Variants in NFU1 observed in about 807,000 individuals in gnomAD.
NFU1 encodes the protein NFU1 iron-sulfur cluster scaffold homolog, mitochondrial.
NFU1 carries 30 observed loss-of-function variants against 32.2 expected under a neutral mutation model. That is an observed-to-expected ratio of 0.93 (90% confidence interval 0.70 to 1.26). The LOEUF (loss-of-function observed/expected upper bound fraction) is 1.26, where lower values mean the gene tolerates loss of function less well. NFU1 is among the 50% of genes most tolerant of loss of function. The pLI, the probability that NFU1 is intolerant of heterozygous loss-of-function variation, is 0.00. For missense variants in NFU1, 306 were observed against 306.6 expected (o/e 1.00, Z 0.02); for synonymous variants, 112 against 104.6 (o/e 1.07, Z -0.43).
Position 69,437,415 on chromosome 2 carries a change from GC to G in NFU1, c.7del (p.Ala3ArgfsTer24). 6.2e-7 allele frequency: 1 copy of G among 1,610,508 alleles called. No homozygotes were observed. The highest frequency in any genetic ancestry group is 1.1e-5 in the South Asian group (1 of 90,932). The stretch of plus-strand genomic sequence containing the variant: ...AGCTCCCCAGCCCCGCCTGGCCGTC[GC>G]CGCCATCTTAGTCCGGAGTGCCTAA... MA[A>X]TARRGWGAAA... On this transcript the variant is annotated frameshift_variant, in exon 1 of 8. Transcript: ENST00000410022. LOFTEE classifies it high-confidence loss of function.
At chr2:69,431,292 T>C (rs986049369) in intron 2 of NFU1, among the ~76,000 whole-genome samples, 1 of 152,080 alleles carries the variant, frequency 6.6e-6, no homozygotes, top group African/African-American at 2.4e-5. Flanking sequence ...TAGAATTCTT[T>C]GAAACACAAT....
chr2:69,399,763 C>T (rs1431264603), intron 7 of NFU1, among the ~76,000 whole-genome samples: 1 of 152,120 alleles, frequency 6.6e-6, no homozygotes, highest in African/African-American at 2.4e-5. Flanking sequence ...CCCTCTGAGT[C>T]TCTGTAGCCT....
intron 2 of NFU1, chr2:69,429,993 CA>C (rs1232328619): frequency 2.7e-5 from 9 of 328,882 alleles, no homozygotes; most frequent in Admixed American, 4.0e-5. Context: ...CACATCACTG[CA>C]CTTTAGCCTG....
upstream of NFU1, among the ~76,000 whole-genome samples, chr2:69,439,426 G>A (rs1244137945): frequency 2.0e-5 from 3 of 152,212 alleles, no homozygotes; most frequent in African/African-American, 4.8e-5. Flanking sequence ...CTGACTTCAG[G>A]AGTGAAGCTG....
At chr2:69,412,533 C>T (rs746410959) in intron 5 of NFU1, among the ~76,000 whole-genome samples, 4 of 151,836 alleles carry the variant, frequency 2.6e-5, no homozygotes, top group Non-Finnish European at 5.9e-5. Context: ...ATTACAGGCA[C>T]GCGCCACCAC....
At chr2:69,424,670 T>C (rs566095156) in intron 2 of NFU1, among the ~76,000 whole-genome samples, 1 of 152,280 alleles carries the variant, frequency 6.6e-6, no homozygotes, top group South Asian at 2.1e-4. Flanking sequence ...TATTCATAAT[T>C]CAGGAGTCCT....
upstream of NFU1, chr2:69,437,491 G>A: frequency 6.4e-7 from 1 of 1,561,428 alleles, no homozygotes; most frequent in African/African-American, 1.4e-5. Context: ...CAGGCTGGCC[G>A]GTAGCTGGGC....
chr2:69,435,283 G>A (rs2104822578), intron 1 of NFU1, among the ~76,000 whole-genome samples: 1 of 152,306 alleles, frequency 6.6e-6, no homozygotes, highest in South Asian at 2.1e-4. Context: ...CAAAATGATG[G>A]TCAGTTAGAA....
At chr2:69,438,785 T>G (rs1364993931), upstream of NFU1, among the ~76,000 whole-genome samples, 3 of 151,830 alleles carry the variant, frequency 2.0e-5, no homozygotes, top group Non-Finnish European at 4.4e-5. Context: ...GCACACTGAG[T>G]GGGCTGTGCC....
intron 3 of NFU1, among the ~76,000 whole-genome samples, chr2:69,423,274 GTGTGTGTGTGTGTGTA>G (rs1442568189): frequency 5.7e-5 from 5 of 87,634 alleles, no homozygotes; most frequent in East Asian, 2.6e-4. Context: ...GTGTGTGTGT[GTGTGTGTGTGTGTGTA>G]TGTGTGTGTG....
In NFU1 at chr2:69,400,450, T is replaced by C. The variant is rs1436167378; in HGVS notation, c.634A>G (p.Ser212Gly). The C allele has an allele frequency of 1.2e-6, 2 of 1,614,036 alleles. No individual in the cohort carries two copies. Among genetic ancestry groups the C allele is most frequent in the African/African-American group, 2.7e-5 (2 of 74,950 alleles). Residue 212 changes from serine to glycine, a missense_variant, in exon 7 of 8, where the codon AGC (serine) becomes GGC (glycine). Physicochemically the swap from Ser to Gly is moderately conservative, Grantham distance 56. Coordinates refer to ENST00000410022, the MANE Select transcript of NFU1 (RefSeq NM_001002755.4). Reference protein sequence around the residue: ...VQLKLQGSCTSCPSSIITLKN... With the variant: ...VQLKLQGSCTGCPSSIITLKN... ...AGAGTAATGATTGAACTAGGGCAGC[T>C]GGTACAAGAACCCTGGAGTTTCAGC...
chr2:69,417,067 T>G (rs1673079693), intron 4 of NFU1, among the ~76,000 whole-genome samples: 1 of 152,124 alleles, frequency 6.6e-6, no homozygotes, highest in South Asian at 2.1e-4. Flanking sequence ...ACCTCAGATC[T>G]TCAGTAAATA....
At chr2:69,438,715 T>C (rs1395009150), upstream of NFU1, among the ~76,000 whole-genome samples, 2 of 152,134 alleles carry the variant, frequency 1.3e-5, no homozygotes, top group African/African-American at 2.4e-5. Context: ...GTAATTTCTA[T>C]GGCCCACAGA....
chr2:69,432,043 G>T, intron 1 of NFU1, 38 bp from the exon 2 acceptor site: 1 of 1,381,198 alleles, frequency 7.2e-7, no homozygotes, highest in Non-Finnish European at 1.0e-6. Context: ...CATTTTAAGA[G>T]CTCTAATCTT....
chr2:69,403,109 C>T (rs1026647280), intron 6 of NFU1, among the ~76,000 whole-genome samples: 7 of 151,798 alleles, frequency 4.6e-5, no homozygotes, highest in Non-Finnish European at 8.8e-5. Context: ...GTCTCAAACT[C>T]CTGGGCTCAA....
At chr2:69,418,507 C>T (rs1216447406) in intron 4 of NFU1, among the ~76,000 whole-genome samples, 1 of 152,064 alleles carries the variant, frequency 6.6e-6, no homozygotes, top group African/African-American at 2.4e-5. Context: ...CGCTCTGTCG[C>T]CCAGGCTGGA....
At position 69,423,564 on chromosome 2, in the gene NFU1, A is replaced by G. The variant is rs1558838674; in HGVS notation, c.302+18T>C. On this transcript the variant is annotated intron_variant, in intron 3 of 7. Coordinates refer to ENST00000410022, the MANE Select transcript of NFU1 (RefSeq NM_001002755.4). ...TATTTATGTTTCTTGGTAAAAGCAAATGAAAACAGTAATATACCTAGCCAG... is the reference window on the plus strand; with the variant it reads ...TATTTATGTTTCTTGGTAAAAGCAAGTGAAAACAGTAATATACCTAGCCAG... 1.2e-6 allele frequency: 2 copies of G among 1,607,518 alleles called. No homozygotes were observed. The highest frequency in any genetic ancestry group is 1.7e-6 in the Non-Finnish European group (2 of 1,177,276).
At chr2:69,417,430 C>T (rs549303881) in intron 4 of NFU1, among the ~76,000 whole-genome samples, 47 of 151,104 alleles carry the variant, frequency 3.1e-4, no homozygotes, top group African/African-American at 1.1e-3. Flanking sequence ...ATTGCATGAG[C>T]CCAGGAGTTT....
intron 3 of NFU1, among the ~76,000 whole-genome samples, chr2:69,420,716 C>G (rs925284066): frequency 2.0e-5 from 3 of 151,968 alleles, no homozygotes; most frequent in African/African-American, 7.3e-5. Flanking sequence ...GTTTTTAAAA[C>G]CCAGTAGTGA....
Sources: gnomAD v4.1 joint callset for allele counts (sites outside exome capture counted in the v4.1 genomes callset) on GRCh38, gnomAD v4.1.1 for gene constraint, MANE v1.5 for transcripts, NCBI Gene and HGNC (gene_info 2026-07-23, HGNC 2026-07-21) for gene names.